CFAP20DC: variants seen among roughly 807,000 people sequenced by gnomAD.
CFAP20DC encodes the protein CFAP20 domain containing.
In CFAP20DC, 84 loss-of-function variants were observed where a neutral mutation model predicts 101.7. That is an observed-to-expected ratio of 0.83 (90% CI 0.69 to 0.99). The LOEUF (loss-of-function observed/expected upper bound fraction) is 0.99, where lower values mean the gene tolerates loss of function less well. Ranked by LOEUF, CFAP20DC falls within the 50% of genes least tolerant of loss-of-function variation. CFAP20DC has a pLI of 0.00. For missense variants in CFAP20DC, 1,007 were observed against 970.3 expected (o/e 1.04, Z -0.50); for synonymous variants, 359 against 351.2 (o/e 1.02, Z -0.25).
intron 4 of CFAP20DC, among the ~76,000 whole-genome samples, chr3:58,963,552 T>C (rs913143567): frequency 1.3e-5 from 2 of 152,084 alleles, no homozygotes; most frequent in African/African-American, 2.4e-5. Context: ...CTAAAAATGA[T>C]TTTTATATAT....
chr3:58,799,777 GACAA>G lies in CFAP20DC; in HGVS notation c.2237+6614_2237+6617del, dbSNP rs1403551516. 6.6e-6 allele frequency among the ~76,000 whole-genome samples: 1 copy of G among 150,726 alleles called. No individual in the cohort carries two copies. Among genetic ancestry groups the G allele is most frequent in the East Asian group, 1.9e-4 (1 of 5,162 alleles). ...TGTGTGTGTGTGTGTGTAGAAAACA[GACAA>G]ACAAGGAAACATCAGTTAGTGGAAT... On this transcript the variant is annotated intron_variant, in intron 15 of 16. Coordinates refer to ENST00000482387, the MANE Select transcript of CFAP20DC (RefSeq NM_001394063.1). The surrounding 1 kb of genome is among the most constrained non-coding windows in gnomAD (Gnocchi z 4.9).
Position 59,002,493 on chromosome 3 carries a change from C to T in CFAP20DC, c.278+37064G>A, listed in dbSNP as rs964380737. 6.6e-6 allele frequency among the ~76,000 whole-genome samples: 1 copy of T among 152,166 alleles called. No homozygotes were observed. Among genetic ancestry groups the T allele is most frequent in the Non-Finnish European group, 1.5e-5 (1 of 68,032 alleles). Reference sequence around the variant, plus strand: ...CTAAGAACTATCACTGATGATACTACCATTTTGATTTTTAAAAATATCCAT... The same window carrying T: ...CTAAGAACTATCACTGATGATACTATCATTTTGATTTTTAAAAATATCCAT... On this transcript the variant is annotated intron_variant, in intron 4 of 16. Transcript: ENST00000482387. The surrounding 1 kb of genome is among the most constrained non-coding windows in gnomAD (Gnocchi z 4.5).
chr3:58,866,609 C>T lies in CFAP20DC; in HGVS notation c.1215G>A (p.Leu405=). The T allele has an allele frequency of 6.2e-7, 1 of 1,612,596 alleles. No homozygotes were observed. The highest frequency in any genetic ancestry group is 8.5e-7 in the Non-Finnish European group (1 of 1,178,902). ...GGGGTCCTAGAGTGCCGGAGTTCAA[C>T]AGCTCTGCTCCTTGTTGGGACACAG... The part of the protein sequence containing the change: ...LTTVSQQGAE[L]LNSGTLGPQS... The change falls in exon 11 of 17, where the codon CTG becomes CTA. Residue 405 remains leucine, a synonymous_variant. Coordinates refer to ENST00000482387, the MANE Select transcript of CFAP20DC (RefSeq NM_001394063.1).
intron 15 of CFAP20DC, among the ~76,000 whole-genome samples, chr3:58,761,565 T>C (rs2069599431): frequency 6.6e-6 from 1 of 152,238 alleles, no homozygotes; most frequent in South Asian, 2.1e-4. Flanking sequence ...TCATTATTTC[T>C]TGCCTTCTGC....
chr3:58,829,808 CT>C (rs767519482), intron 14 of CFAP20DC, among the ~76,000 whole-genome samples: 1 of 152,172 alleles, frequency 6.6e-6, no homozygotes, highest in Non-Finnish European at 1.5e-5. Context: ...AGAGTTCAGC[CT>C]TTTCAGTCCA....
At chr3:58,925,313 T>C (rs1024585648) in intron 5 of CFAP20DC, among the ~76,000 whole-genome samples, 2 of 152,224 alleles carry the variant, frequency 1.3e-5, no homozygotes, top group African/African-American at 2.4e-5. Context: ...ATCCCCAACA[T>C]GGCTAGGAAA....
At chr3:58,773,947 A>G (rs528585236) in intron 15 of CFAP20DC, among the ~76,000 whole-genome samples, 3 of 152,198 alleles carry the variant, frequency 2.0e-5, no homozygotes, top group South Asian at 2.1e-4. Context: ...ATATATTTAC[A>G]TGAGTTTGTG....
chr3:58,813,382 G>A (rs1433435214), intron 14 of CFAP20DC, among the ~76,000 whole-genome samples: 4 of 151,848 alleles, frequency 2.6e-5, no homozygotes, highest in Admixed American at 6.6e-5. Context: ...GCAACAATGC[G>A]ATTCTAATAA....
chr3:59,011,861 C>T (rs1488155637), intron 4 of CFAP20DC, among the ~76,000 whole-genome samples: 1 of 152,148 alleles, frequency 6.6e-6, no homozygotes, highest in Non-Finnish European at 1.5e-5. Context: ...TCACCAGCAG[C>T]ATTTCTTTCA....
intron 4 of CFAP20DC, among the ~76,000 whole-genome samples, chr3:58,942,249 G>A (rs1173652923): frequency 2.0e-5 from 3 of 152,148 alleles, no homozygotes; most frequent in Non-Finnish European, 4.4e-5. Context: ...AGATTTTTAT[G>A]CTGTAAAAGA....
intron 12 of CFAP20DC, among the ~76,000 whole-genome samples, chr3:58,853,196 C>G (rs1053880566): frequency 2.6e-5 from 4 of 152,286 alleles, no homozygotes; most frequent in African/African-American, 4.8e-5. Flanking sequence ...TCAGAGAATA[C>G]TACAAACACC....
intron 4 of CFAP20DC, among the ~76,000 whole-genome samples, chr3:58,966,198 C>G (rs1247060547): frequency 6.6e-6 from 1 of 152,132 alleles, no homozygotes; most frequent in Non-Finnish European, 1.5e-5. Context: ...ACAGCTTTCT[C>G]CATGCCTTCC....
At chr3:58,995,992 ATCT>A in intron 4 of CFAP20DC, among the ~76,000 whole-genome samples, 1 of 151,582 alleles carries the variant, frequency 6.6e-6, no homozygotes, top group Non-Finnish European at 1.5e-5. Context: ...CTATCTATCT[ATCT>A]ATCTATCTAT....
In CFAP20DC at chr3:58,826,110, G is replaced by A. The variant is rs75297717; in HGVS notation, c.2175+5576C>T. Among the ~76,000 whole-genome samples the A allele has an allele frequency of 2.9e-3, 435 of 152,176 alleles. 1 individual carries two copies. The highest frequency in any genetic ancestry group is 0.01 in the African/African-American group (418 of 41,520). ...TAAAAATGCTAAACTGAATGGGACC[G>A]GACTACATCTTTTTCTTCCTATTTG... is the stretch of plus-strand genomic sequence containing the variant. On this transcript the variant is annotated intron_variant, in intron 14 of 16. Coordinates refer to ENST00000482387, the MANE Select transcript of CFAP20DC (RefSeq NM_001394063.1).
intron 4 of CFAP20DC, among the ~76,000 whole-genome samples, chr3:58,983,169 A>G (rs981594442): frequency 6.6e-6 from 1 of 152,234 alleles, no homozygotes; most frequent in East Asian, 1.9e-4. Context: ...ATTCTTTGCC[A>G]GAATCATTTC....
chr3:58,857,443 T>C (rs1215079437), intron 12 of CFAP20DC, among the ~76,000 whole-genome samples: 1 of 152,196 alleles, frequency 6.6e-6, no homozygotes, highest in Admixed American at 6.5e-5. Flanking sequence ...ACATTCATCT[T>C]ACATTTTTCC....
intron 4 of CFAP20DC, among the ~76,000 whole-genome samples, chr3:58,989,311 A>G (rs939346094): frequency 1.3e-5 from 2 of 152,198 alleles, no homozygotes; most frequent in African/African-American, 4.8e-5. Context: ...GCAAATATAC[A>G]GAATTAAGAT....
chr3:58,852,331 T>C (rs1259894794), intron 12 of CFAP20DC, among the ~76,000 whole-genome samples: 1 of 151,894 alleles, frequency 6.6e-6, no homozygotes, highest in Admixed American at 6.6e-5. Context: ...GCACCCAGAT[T>C]CATAAAGCAA....
At chr3:58,898,122 T>C (rs1309174607) in intron 6 of CFAP20DC, among the ~76,000 whole-genome samples, 3 of 152,154 alleles carry the variant, frequency 2.0e-5, no homozygotes, top group Non-Finnish European at 4.4e-5. Flanking sequence ...TTTGGAAAGA[T>C]AGTCTTCAAG....
Sources: gnomAD v4.1 joint callset for allele counts (sites outside exome capture counted in the v4.1 genomes callset) on GRCh38, gnomAD v4.1.1 for gene constraint, Gnocchi (gnomAD v3.1) non-coding constraint, MANE v1.5 for transcripts, NCBI Gene and HGNC (gene_info 2026-07-23, HGNC 2026-07-21) for gene names.